WDR64: variants seen among roughly 807,000 people sequenced by gnomAD.
The protein encoded by WDR64 is WD repeat-containing protein 64.
A neutral mutation model predicts 139.3 loss-of-function variants in WDR64; 112 were observed. The observed-to-expected ratio is 0.80, with a 90% CI of 0.69 to 0.94. The LOEUF (loss-of-function observed/expected upper bound fraction) is 0.94. WDR64 is among the 40% of genes least tolerant of loss of function. The pLI, the probability that WDR64 is intolerant of heterozygous loss-of-function variation, is 0.00. For missense variants in WDR64, 1,206 were observed against 1,293.1 expected (o/e 0.93, Z 1.03); for synonymous variants, 444 against 437.7 (o/e 1.01, Z -0.18).
chr1:241,684,550 C>T (rs1477489157), intron 7 of WDR64, among the ~76,000 whole-genome samples: 6 of 152,170 alleles, frequency 3.9e-5, no homozygotes, highest in Non-Finnish European at 7.4e-5. Flanking sequence ...CAATTTTTCA[C>T]TTATAAAATC....
chr1:241,759,216 CT>C (rs1310587290), intron 15 of WDR64, among the ~76,000 whole-genome samples: 17 of 152,014 alleles, frequency 1.1e-4, no homozygotes, highest in Admixed American at 1.0e-3. Context: ...CAAAATCTTC[CT>C]TTTTTTGCAG....
intron 6 of WDR64, among the ~76,000 whole-genome samples, chr1:241,680,822 GC>G (rs1487607675): frequency 6.9e-6 from 1 of 145,094 alleles, no homozygotes; most frequent in African/African-American, 2.5e-5. Context: ...GCTCTAACCA[GC>G]TCACTGGCCC....
At chr1:241,770,421 C>T (rs1363818324) in intron 17 of WDR64, 200 bp from the exon 18 acceptor site, 2 of 448,936 alleles carry the variant, frequency 4.5e-6, no homozygotes, top group African/African-American at 2.0e-5. Flanking sequence ...TTTGCTGAGG[C>T]TCCCCAAGAG....
In WDR64 at chr1:241,800,457, C is replaced by A. The variant is rs948919733; in HGVS notation, c.3193-675C>A. Among the ~76,000 whole-genome samples the A allele has an allele frequency of 8.5e-5, 13 of 152,210 alleles. 1 individual carries two copies. The highest frequency in any genetic ancestry group is 8.3e-4 in the South Asian group (4 of 4,818). On this transcript the variant is annotated intron_variant, in intron 27 of 27. Coordinates refer to ENST00000437684, the MANE Select transcript of WDR64 (RefSeq NM_001367482.1). The stretch of plus-strand genomic sequence containing the variant: ...AACCAAATTAGTTTAAATTTTTATA[C>A]CTATTTCTTCCAAAAATAATCAATG...
intron 22 of WDR64, among the ~76,000 whole-genome samples, chr1:241,782,148 C>T (rs1246502402): frequency 2.0e-5 from 3 of 152,126 alleles, no homozygotes; most frequent in Non-Finnish European, 2.9e-5. Context: ...ATTAGCTGGG[C>T]GTGGCGGCAC....
intron 8 of WDR64, among the ~76,000 whole-genome samples, chr1:241,704,581 T>C (rs1023673098): frequency 6.6e-6 from 1 of 152,342 alleles, no homozygotes; most frequent in Admixed American, 6.5e-5. Flanking sequence ...TTCACTCATT[T>C]GTAATTCATT....
chr1:241,668,674 G>A (rs1217026586), intron 2 of WDR64, among the ~76,000 whole-genome samples: 1 of 152,080 alleles, frequency 6.6e-6, no homozygotes, highest in Non-Finnish European at 1.5e-5. Flanking sequence ...ACTTTGGGAG[G>A]CTGAGGTGGG....
intron 13 of WDR64, among the ~76,000 whole-genome samples, chr1:241,748,821 T>C (rs1424433311): frequency 6.6e-6 from 1 of 151,152 alleles, no homozygotes; most frequent in Non-Finnish European, 1.5e-5. Flanking sequence ...GCGCCTGCAG[T>C]CCCAGCTACT....
intron 8 of WDR64, among the ~76,000 whole-genome samples, chr1:241,707,194 G>A (rs890892768): frequency 2.0e-5 from 3 of 152,152 alleles, no homozygotes; most frequent in African/African-American, 7.2e-5. Context: ...GTTCACTGAT[G>A]TATCTATCCC....
At chr1:241,738,591 AG>A (rs1669417056) in intron 11 of WDR64, 102 bp downstream of exon 11, 2 of 1,208,682 alleles carry the variant, frequency 1.7e-6, no homozygotes, top group East Asian at 2.6e-5. Context: ...CAAAACTAGA[AG>A]GGTAATTTAT....
Position 241,732,649 on chromosome 1 carries a change from G to A in WDR64, c.1195-5714G>A, listed in dbSNP as rs958211678. Among the ~76,000 whole-genome samples the A allele has an allele frequency of 5.3e-4, 80 of 151,890 alleles. 1 individual carries two copies. The highest frequency in any genetic ancestry group is 6.8e-3 in the Middle Eastern group (2 of 294). The stretch of plus-strand genomic sequence containing the variant: ...AGCCTGGCCAACATGGTGAAACCCC[G>A]TCTCTACTAAAAATACAAAAATTAG... On this transcript the variant is annotated intron_variant, in intron 10 of 27. Transcript: ENST00000437684.
rs35428538 is a variant in WDR64 at position 241,656,106 on chromosome 1, G to A, written c.145+3477G>A. On this transcript the variant is annotated intron_variant, in intron 1 of 27. Transcript: ENST00000437684. The surrounding 1 kb of genome is among the most constrained non-coding windows in gnomAD (Gnocchi z 4.3). ...TAGTTTTCAAGATTTGATGAAAACT[G>A]CATACTGCTAGACAAGTTACCTTCT... is the stretch of plus-strand genomic sequence containing the variant. 0.2 allele frequency among the ~76,000 whole-genome samples: 30,585 copies of A among 152,066 alleles called. 3,407 individuals carry two copies. Among genetic ancestry groups the A allele is most frequent in the African/African-American group, 0.31 (12,777 of 41,452 alleles).
intron 7 of WDR64, among the ~76,000 whole-genome samples, chr1:241,685,902 C>A (rs1192056988): frequency 6.6e-6 from 1 of 152,184 alleles, no homozygotes; most frequent in South Asian, 2.1e-4. Context: ...AGACATGAAT[C>A]TGCTTTTTAT....
In WDR64 at chr1:241,741,542, T is replaced by C; in HGVS notation, c.1348T>C (p.Leu450=). The C allele has an allele frequency of 6.2e-7, 1 of 1,611,918 alleles. No homozygotes were observed. Among genetic ancestry groups the C allele is most frequent in the Non-Finnish European group, 8.5e-7 (1 of 1,179,430 alleles). ...TGSSVMDMYP[L]TRMIQDTKQV... is the part of the protein sequence containing the mutation. ...ATCTAGTGTTATGGACATGTATCCTTTGACTAGGATGATACAAGATACAAA... is the reference window on the plus strand; with the variant it reads ...ATCTAGTGTTATGGACATGTATCCTCTGACTAGGATGATACAAGATACAAA... Residue 450 remains leucine, a synonymous_variant, in exon 12 of 28, where the codon TTG becomes CTG. Coordinates refer to ENST00000437684, the MANE Select transcript of WDR64 (RefSeq NM_001367482.1).
intron 3 of WDR64, among the ~76,000 whole-genome samples, chr1:241,673,598 G>A (rs1434830118): frequency 6.6e-6 from 1 of 152,162 alleles, no homozygotes; most frequent in African/African-American, 2.4e-5. Flanking sequence ...GAGTAAAATG[G>A]ATTCATGTTC....
intron 14 of WDR64, among the ~76,000 whole-genome samples, chr1:241,753,664 A>G (rs1376839886): frequency 6.6e-6 from 1 of 152,170 alleles, no homozygotes; most frequent in Non-Finnish European, 1.5e-5. Context: ...AAATAGCACC[A>G]CTACACTCCC....
At chr1:241,684,500 C>T (rs1471596959) in intron 7 of WDR64, among the ~76,000 whole-genome samples, 1 of 152,176 alleles carries the variant, frequency 6.6e-6, no homozygotes, top group African/African-American at 2.4e-5. Flanking sequence ...ATTAAATGGT[C>T]TTCCTTATTT....
intron 1 of WDR64, among the ~76,000 whole-genome samples, chr1:241,658,197 C>T (rs545420356): frequency 1.1e-4 from 16 of 151,984 alleles, no homozygotes; most frequent in Middle Eastern, 6.8e-3. Flanking sequence ...TTTGAGAAAG[C>T]CTCACATCTA....
intron 27 of WDR64, among the ~76,000 whole-genome samples, chr1:241,800,658 G>A (rs1413306140): frequency 2.0e-5 from 3 of 151,912 alleles, no homozygotes; most frequent in Admixed American, 1.3e-4. Flanking sequence ...AAACAAAGCA[G>A]AACACAACAA....
Sources: allele counts gnomAD v4.1 joint callset (sites outside exome capture counted in the v4.1 genomes callset), GRCh38; gene constraint gnomAD v4.1.1; non-coding constraint Gnocchi (gnomAD v3.1); transcripts MANE v1.5; gene names NCBI Gene and HGNC (gene_info 2026-07-23, HGNC 2026-07-21).